The following ZNF155 variants were observed in gnomAD, a reference collection of about 807,000 sequenced individuals.
ZNF155 encodes zinc finger protein 155, also known as KRAB A domain.
ZNF155 carries 15 observed loss-of-function variants against 11.9 expected under a neutral mutation model. That is an observed-to-expected ratio of 1.26 (90% CI 0.84 to 1.94). The LOEUF (loss-of-function observed/expected upper bound fraction) is 1.94, where lower values mean the gene tolerates loss of function less well. Ranked by LOEUF, ZNF155 falls within the 30% of genes most tolerant of loss-of-function variation. The pLI is 0.00. For missense variants in ZNF155, 602 were observed against 639.1 expected, an observed-to-expected ratio of 0.94 and a Z score of 0.63; for synonymous variants, 212 against 219.9, an observed-to-expected ratio of 0.96 and a Z score of 0.32.
At chr19:43,992,816 C>T (rs975982222) in intron 4 of ZNF155, among the ~76,000 whole-genome samples, 18 of 152,206 alleles carry the variant, frequency 1.2e-4, no homozygotes. Flanking sequence ...TTTTTTTGGC[C>T]TGCTGATGGC....
chr19:43,992,732 G>A (rs930235251), intron 4 of ZNF155, among the ~76,000 whole-genome samples: 4 of 152,222 alleles, frequency 2.6e-5, no homozygotes, highest in East Asian at 1.9e-4. Flanking sequence ...ACTAGTGACC[G>A]TTATGGCGTC....
intron 2 of ZNF155, 167 bp downstream of exon 2, chr19:43,988,725 G>A: frequency 1.8e-6 from 1 of 552,604 alleles, no homozygotes; most frequent in South Asian, 6.3e-5. Context: ...TTGGTTTTTG[G>A]TTTTGCTTTG....
In ZNF155 at chr19:43,991,908, CA is replaced by C; in HGVS notation, c.210del (p.Ala71GlnfsTer41). On this transcript the variant is annotated frameshift_variant, in exon 4 of 5. Transcript: ENST00000270014. LOFTEE classifies it low-confidence loss of function (END_TRUNC). The stretch of plus-strand genomic sequence containing the variant: ...GAAGAAAAGTTTTGGATGATGGGGA[CA>C]GCAACCCAAAGAGAAGGGAATTCAG... ...LREEKFWMMG[T>X]ATQREGNSGG... 1 of 1,613,860 alleles carries C rather than the reference CA, an allele frequency of 6.2e-7. No homozygotes were observed. Among genetic ancestry groups the C allele is most frequent in the Non-Finnish European group, 8.5e-7 (1 of 1,179,864 alleles).
intron 1 of ZNF155, among the ~76,000 whole-genome samples, chr19:43,987,270 T>C (rs1462018846): frequency 6.6e-6 from 1 of 152,186 alleles, no homozygotes; most frequent in East Asian, 1.9e-4. Flanking sequence ...TACCCTACCC[T>C]TTACCCTGAC....
intron 4 of ZNF155, among the ~76,000 whole-genome samples, chr19:43,995,439 C>T (rs377182283): frequency 4.1e-5 from 6 of 145,780 alleles, no homozygotes; most frequent in Middle Eastern, 3.5e-3. Flanking sequence ...GACAGGGTCT[C>T]GCTCTGTCAC....
chr19:43,988,932 A>C (rs1975559212), intron 2 of ZNF155: 1 of 169,932 alleles, frequency 5.9e-6, no homozygotes, highest in Admixed American at 6.3e-5. Context: ...ATGTTATATA[A>C]TCTTCCATTT....
rs766563509 is a variant in ZNF155, at chr19:43,998,204, C to T, written c.*730C>T. On this transcript the variant is annotated 3_prime_UTR_variant, in exon 5 of 5. Transcript: ENST00000270014. ...GACAGCCCGCAGGCTAAGTGCATTC[C>T]TTCCCCTTCCCAGTCCATAAAAACC... 6 of 152,292 alleles carry T rather than the reference C, an allele frequency of 3.9e-5. No homozygotes were observed. Among genetic ancestry groups the T allele is most frequent in the South Asian group, 2.1e-4 (1 of 4,820 alleles). 9.4% of individuals were successfully genotyped at this position (152,292 alleles called of 1,614,324 possible).
intron 4 of ZNF155, 91 bp downstream of exon 4, chr19:43,992,025 G>A: frequency 2.6e-6 from 3 of 1,150,580 alleles, no homozygotes; most frequent in Non-Finnish European, 3.7e-6. Flanking sequence ...TGATGTAAAT[G>A]ACCACATCTC....
Position 43,997,525 on chromosome 19 carries a change from T to A in ZNF155, c.*51T>A. 2.2e-6 allele frequency: 3 copies of A among 1,391,758 alleles called. No homozygotes were observed. Among genetic ancestry groups the A allele is most frequent in the Non-Finnish European group, 2.9e-6 (3 of 1,028,726 alleles). 86.2% of individuals were successfully genotyped at this position (1,391,758 alleles called of 1,614,324 possible). On this transcript the variant is annotated 3_prime_UTR_variant, in exon 5 of 5. Coordinates refer to ENST00000270014, the MANE Select transcript of ZNF155 (RefSeq NM_198089.3). ...TGCTATTTTAATGTGTGCATACAAT[T>A]TATAGTGATCCAATCAGTGTAATTG...
At position 43,996,534 on chromosome 19, in the gene ZNF155, A is replaced by G. The variant is rs201225467; in HGVS notation, c.677A>G (p.His226Arg). The G allele has an allele frequency of 1.3e-5, 21 of 1,614,238 alleles. No individual in the cohort carries two copies. The African/African-American group carries it at 1.5e-4, about 11-fold the overall frequency. Residue 226 changes from histidine to arginine, a missense_variant, in exon 5 of 5, where the codon CAC (histidine) becomes CGC (arginine). His to Arg is a conservative substitution (Grantham distance 29). Transcript: ENST00000270014. Reference protein sequence around the residue: ...SSHLQTHQRVHTGEKPFKCEQ... With the variant: ...SSHLQTHQRVRTGEKPFKCEQ... ...CATCTGCAAACTCATCAGAGAGTCC[A>G]CACTGGAGAGAAACCATTCAAATGT... is the stretch of plus-strand genomic sequence containing the variant.
intron 4 of ZNF155, among the ~76,000 whole-genome samples, chr19:43,992,143 A>G (rs1975688195): frequency 6.6e-6 from 1 of 151,748 alleles, no homozygotes; most frequent in Admixed American, 6.6e-5. Context: ...TCAGATTGTC[A>G]TTCCTCTCCT....
intron 1 of ZNF155, among the ~76,000 whole-genome samples, chr19:43,987,504 T>G (rs960268769): frequency 6.6e-6 from 1 of 152,202 alleles, no homozygotes; most frequent in African/African-American, 2.4e-5. Flanking sequence ...GCATTGTTGG[T>G]GCGGATACTG....
In ZNF155 at chr19:43,996,673, T is replaced by C. The variant is rs772364348; in HGVS notation, c.816T>C (p.Asp272=). The change falls in exon 5 of 5, where the codon GAT becomes GAC. Residue 272 remains aspartate (D), a synonymous_variant. Transcript: ENST00000270014. ...CEACGKAFIH[D]SQLKEHKRIH... ...CATGTGGGAAGGCCTTCATTCATGA[T>C]TCCCAGCTTAAGGAACATAAGAGAA... 2.5e-6 allele frequency: 4 copies of C among 1,613,734 alleles called. No homozygotes were observed. The South Asian group carries it at 4.4e-5, about 18-fold the overall frequency.
At chr19:43,991,489 G>A (rs954355034) in intron 2 of ZNF155, 59 bp from the exon 3 acceptor site, 24 of 1,612,014 alleles carry the variant, frequency 1.5e-5, no homozygotes, top group Non-Finnish European at 1.9e-5. Context: ...GCTCAATGCC[G>A]CTTCTCCCCC....
rs1568492237 is a variant in ZNF155 at position 43,996,866 on chromosome 19, GT to G, written c.1010del (p.Val337AlafsTer21). The G allele has an allele frequency of 1.2e-6, 2 of 1,613,972 alleles. No homozygotes were observed. Among genetic ancestry groups the G allele is most frequent in the South Asian group, 2.2e-5 (2 of 91,058 alleles). On this transcript the variant is annotated frameshift_variant, in exon 5 of 5. Transcript: ENST00000270014. LOFTEE classifies it low-confidence loss of function (END_TRUNC). ...QRSALNRHCM[V>X]HTGEKPYRCE... Reference sequence around the variant, plus strand: ...ATCAGCACTTAATAGGCATTGCATGGTCCACACAGGAGAGAAACCGTACAGA... The same window carrying G: ...ATCAGCACTTAATAGGCATTGCATGGCCACACAGGAGAGAAACCGTACAGA...
chr19:43,998,011 C>A lies in ZNF155; in HGVS notation c.*537C>A, dbSNP rs1975968598. The A allele has an allele frequency of 9.8e-6, 1 of 102,504 alleles. No individual in the cohort carries two copies. The highest frequency in any genetic ancestry group is 1.2e-4 in the Admixed American group (1 of 8,658). The allele number at this position is 102,504 out of a possible 1,614,324, so 6.3% of individuals were successfully genotyped here. ...AAAGCCCAGCCTCTGTAAATCATCA[C>A]TTCAGCTCCTGATTGGTCCCAGGCC... On this transcript the variant is annotated 3_prime_UTR_variant, in exon 5 of 5. Transcript: ENST00000270014.
rs1975883910 is a variant in ZNF155, at chr19:43,996,680, C to T, written c.823C>T (p.Leu275Phe). ...GAAGGCCTTCATTCATGATTCCCAGCTTAAGGAACATAAGAGAATCCATAC... is the reference window on the plus strand; with the variant it reads ...GAAGGCCTTCATTCATGATTCCCAGTTTAAGGAACATAAGAGAATCCATAC... ...CGKAFIHDSQ[L>F]KEHKRIHTGE... Residue 275 changes from leucine to phenylalanine, a missense_variant, in exon 5 of 5, where the codon CTT (leucine) becomes TTT (phenylalanine). By Grantham distance (22) the Leu-to-Phe change is conservative. Transcript: ENST00000270014. 2 of 1,613,986 alleles carry T rather than the reference C, an allele frequency of 1.2e-6. No individual in the cohort carries two copies. The highest frequency in any genetic ancestry group is 4.5e-5 in the East Asian group (2 of 44,864).
In ZNF155 at chr19:43,996,912, G is replaced by T. The variant is rs1199215380; in HGVS notation, c.1055G>T (p.Gly352Val). The T allele has an allele frequency of 6.2e-7, 1 of 1,613,984 alleles. No homozygotes were observed. Among genetic ancestry groups the T allele is most frequent in the East Asian group, 2.2e-5 (1 of 44,892 alleles). ...TACAGATGTGAGCAGTGTGGAAAAG[G>T]CTTTATTGGTAGGCTAGATTTTTAT... The part of the protein sequence containing the change: ...KPYRCEQCGK[G>V]FIGRLDFYKH... The change falls in exon 5 of 5, where the codon GGC (glycine) becomes GTC (valine). Residue 352 changes from glycine to valine, a missense_variant. Coordinates refer to ENST00000270014, the MANE Select transcript of ZNF155 (RefSeq NM_198089.3).
chr19:43,997,111 T>C lies in ZNF155; in HGVS notation c.1254T>C (p.His418=), dbSNP rs377166801. The C allele has an allele frequency of 1.8e-5, 29 of 1,613,544 alleles. No homozygotes were observed. The African/African-American group carries it at 2.5e-4, about 14-fold the overall frequency. The change falls in exon 5 of 5, where the codon CAT becomes CAC. Residue 418 remains histidine, a synonymous_variant. Transcript: ENST00000270014. ...ATACAAATTCACAACTGTCTTCCCA[T>C]CAGAGATCCCACAGTGGTGAAAAGC... ...GFYTNSQLSS[H]QRSHSGEKPY...
Sources: allele counts gnomAD v4.1 joint callset (sites outside exome capture counted in the v4.1 genomes callset), GRCh38; gene constraint gnomAD v4.1.1; transcripts MANE v1.5; gene names NCBI Gene and HGNC (gene_info 2026-07-23, HGNC 2026-07-21).